The following HCK variants were observed in gnomAD, a reference collection of about 807,000 sequenced individuals.
HCK encodes tyrosine-protein kinase HCK.
HCK carries 40 observed loss-of-function variants against 70.4 expected under a neutral mutation model. That is an observed-to-expected ratio of 0.57 (90% CI 0.44 to 0.74). The LOEUF is 0.74. Among genes scored for constraint, HCK ranks in the 30% least tolerant of loss-of-function variants. HCK has a pLI of 0.00. For missense variants in HCK, 568 were observed against 697.2 expected, an observed-to-expected ratio of 0.81 and a Z score of 2.09; for synonymous variants, 245 against 263.2, an observed-to-expected ratio of 0.93 and a Z score of 0.67.
chr20:32,071,789 A>G lies in HCK; in HGVS notation c.183+7A>G, dbSNP rs1249022699. 3 of 1,612,572 alleles carry G rather than the reference A, an allele frequency of 1.9e-6. No individual in the cohort carries two copies. The highest frequency in any genetic ancestry group is 2.5e-6 in the Non-Finnish European group (3 of 1,179,254). ...CACATCCACCATCAAGCCGGTGAGT[A>G]GGGGAGGTCCCAGTTTCCCTGGGGG... On this transcript the variant is annotated splice_region_variant and intron_variant, in intron 2 of 12. Coordinates refer to ENST00000375852, the MANE Select transcript of HCK (RefSeq NM_002110.5).
intron 1 of HCK, among the ~76,000 whole-genome samples, chr20:32,067,531 C>CTTTT (rs11482239): frequency 2.0e-4 from 22 of 110,332 alleles, no homozygotes; most frequent in Admixed American, 3.7e-4. Context: ...GATGCTTTTA[C>CTTTT]TTTTTTTTTT....
intron 5 of HCK, among the ~76,000 whole-genome samples, chr20:32,075,263 G>GC (rs2045605158): frequency 6.6e-6 from 1 of 152,156 alleles, no homozygotes; most frequent in African/African-American, 2.4e-5. Flanking sequence ...CACCATCACA[G>GC]CTCACTTCAG....
Position 32,101,532 on chromosome 20 carries a change from G to C in HCK, c.*13G>C, listed in dbSNP as rs1248266976. 21 of 1,607,392 alleles carry C rather than the reference G, an allele frequency of 1.3e-5. No homozygotes were observed. The highest frequency in any genetic ancestry group is 1.6e-5 in the Non-Finnish European group (19 of 1,176,388). On this transcript the variant is annotated 3_prime_UTR_variant, in exon 13 of 13. Transcript: ENST00000375852. ...ACAGCAGCCATGATAGGGAGGACCA[G>C]GGCAGGGCCAGGGGGTGCCCAGGTG...
chr20:32,096,499 CAAAAAA>C (rs55905450), intron 11 of HCK, among the ~76,000 whole-genome samples: 2 of 92,464 alleles, frequency 2.2e-5, no homozygotes, highest in Non-Finnish European at 2.2e-5. Context: ...GACTCCGTCT[CAAAAAA>C]AAAAAAAAAA....
intron 7 of HCK, 62 bp from the exon 8 acceptor site, chr20:32,084,329 A>AGGAGCAAC: frequency 6.5e-7 from 1 of 1,529,510 alleles, no homozygotes; most frequent in Non-Finnish European, 8.8e-7. Context: ...GCGGCCTCCA[A>AGGAGCAAC]GGAGCAACCT....
chr20:32,094,960 C>A (rs753879646), intron 11 of HCK, among the ~76,000 whole-genome samples: 24 of 152,120 alleles, frequency 1.6e-4, no homozygotes, highest in Non-Finnish European at 3.1e-4. Flanking sequence ...GTAGATGCCA[C>A]TTGGTTTCGT....
intron 10 of HCK, among the ~76,000 whole-genome samples, chr20:32,090,312 G>A (rs1334406493): frequency 6.6e-6 from 1 of 152,164 alleles, no homozygotes; most frequent in Non-Finnish European, 1.5e-5. Context: ...CAGAAGCAGA[G>A]GTAGATTCAG....
chr20:32,080,641 G>A (rs907105696), intron 6 of HCK, among the ~76,000 whole-genome samples: 2 of 152,062 alleles, frequency 1.3e-5, no homozygotes, highest in African/African-American at 2.4e-5. Context: ...CTACAGGTAC[G>A]TGCCACCATG....
intron 10 of HCK, among the ~76,000 whole-genome samples, chr20:32,092,052 C>G (rs932674292): frequency 6.6e-6 from 1 of 152,026 alleles, no homozygotes; most frequent in Non-Finnish European, 1.5e-5. Flanking sequence ...TCGGGTGCCC[C>G]CTGCTGTCCA....
In HCK at chr20:32,073,715, G is replaced by A. The variant is rs866179316; in HGVS notation, c.227-1G>A. On this transcript the variant is annotated splice_acceptor_variant, in intron 3 of 12. Transcript: ENST00000375852. LOFTEE classifies it high-confidence loss of function. ...CACCCTCTGTGTGTCTCCCTTCCCA[G>A]CAGGCTCTGAGGACATCATCGTGGT... 1.9e-6 allele frequency: 3 copies of A among 1,553,088 alleles called. No individual in the cohort carries two copies. The highest frequency in any genetic ancestry group is 1.7e-6 in the Non-Finnish European group (2 of 1,146,250).
At chr20:32,061,193 A>C (rs999846525) in intron 1 of HCK, among the ~76,000 whole-genome samples, 1 of 152,192 alleles carries the variant, frequency 6.6e-6, no homozygotes, top group East Asian at 1.9e-4. Flanking sequence ...CATGTTGGCC[A>C]GGCTGGTCTT....
At chr20:32,052,887 G>GGCCGGGTCAC (rs1324760589) in intron 1 of HCK, among the ~76,000 whole-genome samples, 1 of 151,992 alleles carries the variant, frequency 6.6e-6, no homozygotes, top group Admixed American at 6.6e-5. Flanking sequence ...TCCCGGTGGG[G>GGCCGGGTCAC]GCCGGGTCAC....
Position 32,094,790 on chromosome 20 carries a change from AAAGAAAGAAAGAAAG to A in HCK, c.1246+777_1246+791del, listed in dbSNP as rs1318080793. Among the ~76,000 whole-genome samples the A allele has an allele frequency of 9.4e-3, 129 of 13,722 alleles. 2 individuals carry two copies. Among genetic ancestry groups the A allele is most frequent in the Admixed American group, 0.034 (37 of 1,100 alleles). The allele number at this position is 13,722 out of a possible 152,430, so 9.0% of individuals were successfully genotyped here. A position where few individuals can be genotyped will look rare whatever the true frequency, so the allele number is the denominator to read the frequency against. ...GAAAGAAAGAAAGAGAGAGAAAGAG[AAAGAAAGAAAGAAAG>A]AAAGAAAGAAAGAAAGAAAGAAAGA... On this transcript the variant is annotated intron_variant, in intron 11 of 12. Coordinates refer to ENST00000375852, the MANE Select transcript of HCK (RefSeq NM_002110.5).
intron 1 of HCK, chr20:32,054,315 T>C (rs1422023629): frequency 2.2e-6 from 1 of 455,688 alleles, no homozygotes. Context: ...TTGTTTTGTG[T>C]GCTTTAAAAA....
intron 6 of HCK, among the ~76,000 whole-genome samples, chr20:32,083,683 A>G (rs576165984): frequency 2.6e-5 from 4 of 152,338 alleles, no homozygotes; most frequent in Admixed American, 2.0e-4. Flanking sequence ...GAGGTGACAT[A>G]GTCACATGGC....
At chr20:32,077,946 G>A (rs981238573) in intron 5 of HCK, among the ~76,000 whole-genome samples, 2 of 152,120 alleles carry the variant, frequency 1.3e-5, no homozygotes, top group Admixed American at 6.5e-5. Flanking sequence ...GAATCTCCTG[G>A]TGTATATGTC....
rs377335962 is a variant in HCK, at chr20:32,063,696, C to T, written c.63-7966C>T. ...CTGGTATCAGGGAGGTCTTTGCCAT[C>T]AGCCATTTGCACTTGAGTGCAAATC... On this transcript the variant is annotated intron_variant, in intron 1 of 12. Transcript: ENST00000375852. 2.6e-4 allele frequency among the ~76,000 whole-genome samples: 40 copies of T among 152,184 alleles called. No homozygotes were observed. In the East Asian group the frequency reaches 3.3e-3, roughly 13 times the overall value.
chr20:32,059,699 A>G (rs2122472145), intron 1 of HCK, among the ~76,000 whole-genome samples: 1 of 152,068 alleles, frequency 6.6e-6, no homozygotes, highest in East Asian at 1.9e-4. Context: ...AAATTCTGGT[A>G]GAAATGGGGT....
chr20:32,084,429 T>A lies in HCK; in HGVS notation c.721T>A (p.Cys241Ser). 6.2e-7 allele frequency: 1 copy of A among 1,614,060 alleles called. No individual in the cohort carries two copies. Among genetic ancestry groups the A allele is most frequent in the Non-Finnish European group, 8.5e-7 (1 of 1,179,958 alleles). The change falls in exon 8 of 13, where the codon TGC (cysteine) becomes AGC (serine). Residue 241 changes from cysteine to serine, a missense_variant. Transcript: ENST00000375852. ...GCTCTGCCAGAAACTGTCGGTGCCC[T>A]GCATGTCTTCCAAGCCCCAGAAGCC...
Sources: gnomAD v4.1 joint callset for allele counts (sites outside exome capture counted in the v4.1 genomes callset) on GRCh38, gnomAD v4.1.1 for gene constraint, MANE v1.5 for transcripts, NCBI Gene and HGNC (gene_info 2026-07-23, HGNC 2026-07-21) for gene names.